The following PARP8 variants were observed in gnomAD, a reference collection of about 807,000 sequenced individuals.
The protein encoded by PARP8 is protein mono-ADP-ribosyltransferase PARP8.
In PARP8, 51 loss-of-function variants were observed where a neutral mutation model predicts 124.1. The ratio of observed to expected loss-of-function variants is 0.41; its 90% CI spans 0.33 to 0.52. PARP8 has a LOEUF of 0.52. PARP8 is among the 20% of genes least tolerant of loss of function. The probability of loss-of-function intolerance (pLI) is 0.21; values close to 1 mark genes in which losing one functional copy is unlikely to be tolerated. For synonymous variants in PARP8, 391 were observed against 361.5 expected (o/e 1.08, Z -0.93); for missense variants, 860 against 1,018.9 (o/e 0.84, Z 2.12).
chr5:50,725,150 G>GTATA (rs143501846), intron 2 of PARP8, among the ~76,000 whole-genome samples: 8 of 148,360 alleles, frequency 5.4e-5, no homozygotes, highest in African/African-American at 9.9e-5. Flanking sequence ...GTATATGTGT[G>GTATA]TATATATATA....
chr5:50,779,442 C>G (rs1333491266), intron 9 of PARP8, among the ~76,000 whole-genome samples: 1 of 152,158 alleles, frequency 6.6e-6, no homozygotes, highest in African/African-American at 2.4e-5. Context: ...GCTGGACGTT[C>G]AAATGGCTAG....
At chr5:50,831,766 T>C (rs112578111) in intron 22 of PARP8, among the ~76,000 whole-genome samples, 3,984 of 152,250 alleles carry the variant, frequency 0.026, 175 homozygotes, top group African/African-American at 0.091. Context: ...TTACAAACCA[T>C]GTGAATGGAT....
intron 9 of PARP8, among the ~76,000 whole-genome samples, chr5:50,786,386 A>T (rs1361233745): frequency 2.1e-5 from 3 of 146,318 alleles, no homozygotes; most frequent in African/African-American, 5.1e-5. Flanking sequence ...TTTTTTTCAG[A>T]TAGGTTCTTG....
chr5:50,684,833 G>T (rs1579946355), intron 2 of PARP8, among the ~76,000 whole-genome samples: 1 of 152,282 alleles, frequency 6.6e-6, no homozygotes, highest in Non-Finnish European at 1.5e-5. Context: ...GAAGTGGCAT[G>T]TGGGGTATGA....
intron 2 of PARP8, among the ~76,000 whole-genome samples, chr5:50,714,886 C>T (rs1272967156): frequency 1.3e-5 from 2 of 152,092 alleles, no homozygotes; most frequent in Admixed American, 6.6e-5. Flanking sequence ...AAGAAGCCCA[C>T]CACTAGCTTT....
chr5:50,835,429 G>C (rs1485019575), intron 25 of PARP8, among the ~76,000 whole-genome samples: 2 of 152,144 alleles, frequency 1.3e-5, no homozygotes, highest in Non-Finnish European at 2.9e-5. Flanking sequence ...TGTAGTCCCA[G>C]CTCCTGGGGC....
intron 2 of PARP8, among the ~76,000 whole-genome samples, chr5:50,712,210 G>A (rs1754831554): frequency 6.6e-6 from 1 of 152,128 alleles, no homozygotes; most frequent in Admixed American, 6.5e-5. Context: ...ACCTTTGGCT[G>A]TTGGTTACCA....
At position 50,843,059 on chromosome 5, in the gene PARP8, A is replaced by G. The variant is rs1273875768; in HGVS notation, c.*991A>G. 2.0e-5 allele frequency: 3 copies of G among 150,208 alleles called. No homozygotes were observed. The East Asian group carries it at 5.9e-4, about 29-fold the overall frequency. The allele number at this position is 150,208 out of a possible 1,614,324, so 9.3% of individuals were successfully genotyped here. On this transcript the variant is annotated 3_prime_UTR_variant, in exon 26 of 26. Coordinates refer to ENST00000281631, the MANE Select transcript of PARP8 (RefSeq NM_024615.4). Reference sequence around the variant, plus strand: ...CAGCATTTTTATATTTGTTCATCTAATATCTCTGCTTATTTTTTTCATATT... The same window carrying G: ...CAGCATTTTTATATTTGTTCATCTAGTATCTCTGCTTATTTTTTTCATATT...
chr5:50,826,526 G>GATTAA (rs1267484897), intron 18 of PARP8, among the ~76,000 whole-genome samples: 2 of 152,028 alleles, frequency 1.3e-5, no homozygotes, highest in African/African-American at 4.8e-5. Context: ...TTAAGTTTTA[G>GATTAA]GGAACAACTT....
At chr5:50,832,120 A>G (rs1413756504) in intron 22 of PARP8, among the ~76,000 whole-genome samples, 1 of 152,146 alleles carries the variant, frequency 6.6e-6, no homozygotes, top group African/African-American at 2.4e-5. Flanking sequence ...TCATTAAGCC[A>G]TTTGCTGAAA....
At chr5:50,750,126 C>CTT in intron 2 of PARP8, 25 bp from the exon 3 acceptor site, 6 of 1,466,876 alleles carry the variant, frequency 4.1e-6, no homozygotes, top group Admixed American at 1.8e-5. Flanking sequence ...TAACTTGAGC[C>CTT]TTTTTTGTTT....
chr5:50,708,702 A>G (rs2149485739), intron 2 of PARP8, among the ~76,000 whole-genome samples: 1 of 148,878 alleles, frequency 6.7e-6, no homozygotes, highest in Non-Finnish European at 1.5e-5. Context: ...TCAACTTATA[A>G]AAAATACCTA....
intron 2 of PARP8, chr5:50,744,663 A>G (rs1758363053): frequency 1.5e-6 from 1 of 686,426 alleles, no homozygotes; most frequent in Non-Finnish European, 2.6e-6. Flanking sequence ...GTTTCTGGCA[A>G]AGCACCTCAA....
At chr5:50,762,940 C>T (rs1303757787) in intron 6 of PARP8, among the ~76,000 whole-genome samples, 1 of 152,124 alleles carries the variant, frequency 6.6e-6, no homozygotes, top group Non-Finnish European at 1.5e-5. Context: ...TTTGCTTTTT[C>T]TTTGTATTAA....
chr5:50,668,192 G>A, intron 2 of PARP8, 67 bp downstream of exon 2: 6 of 1,416,416 alleles, frequency 4.2e-6, no homozygotes, highest in Middle Eastern at 2.5e-4. Context: ...TTCTTAGCGT[G>A]TTCCGTGTTC....
At chr5:50,815,084 G>A (rs1744950871) in intron 14 of PARP8, among the ~76,000 whole-genome samples, 1 of 151,838 alleles carries the variant, frequency 6.6e-6, no homozygotes, top group African/African-American at 2.4e-5. Context: ...TATATCACCA[G>A]CTTAGGTATT....
chr5:50,685,722 T>TTAATTGGAC lies in PARP8; in HGVS notation c.146+17599_146+17607dup, dbSNP rs1467365862. 8.5e-5 allele frequency among the ~76,000 whole-genome samples: 13 copies of TTAATTGGAC among 152,302 alleles called. No individual in the cohort carries two copies. The East Asian group carries it at 2.5e-3, about 29-fold the overall frequency. On this transcript the variant is annotated intron_variant, in intron 2 of 25. Coordinates refer to ENST00000281631, the MANE Select transcript of PARP8 (RefSeq NM_024615.4). ...TGGGCAATTTACAAAAGAAAGAGGT[T>TTAATTGGAC]TAATTGGACTTACAGTTCCATGTGG...
At chr5:50,835,055 C>T (rs1187520211) in intron 25 of PARP8, 40 bp downstream of exon 25, 2 of 1,545,640 alleles carry the variant, frequency 1.3e-6, no homozygotes, top group Admixed American at 1.7e-5. Flanking sequence ...ACTGTCTTTG[C>T]CACAAATGGG....
chr5:50,799,173 T>G (rs1742908637), intron 14 of PARP8, among the ~76,000 whole-genome samples: 1 of 152,224 alleles, frequency 6.6e-6, no homozygotes, highest in Non-Finnish European at 1.5e-5. Context: ...TGCACTTATG[T>G]TTCCCTCTAA....
Sources: gnomAD v4.1 joint callset for allele counts (sites outside exome capture counted in the v4.1 genomes callset) on GRCh38, gnomAD v4.1.1 for gene constraint, MANE v1.5 for transcripts, NCBI Gene and HGNC (gene_info 2026-07-23, HGNC 2026-07-21) for gene names.